The following TMEM192 variants were observed in gnomAD, a reference collection of about 807,000 sequenced individuals.
TMEM192 encodes transmembrane protein 192.
In TMEM192, 20 loss-of-function variants were observed where a neutral mutation model predicts 26.7. The observed-to-expected ratio is 0.75, with a 90% confidence interval of 0.53 to 1.09. TMEM192 has a LOEUF of 1.09. TMEM192 is among the 50% of genes least tolerant of loss of function. TMEM192 has a pLI of 0.00. For missense variants in TMEM192, 304 were observed against 322.6 expected (o/e 0.94, Z 0.44); for synonymous variants, 124 against 121.0 (o/e 1.02, Z -0.16).
Position 165,081,046 on chromosome 4 carries a change from A to G in TMEM192, c.678-1250T>C, listed in dbSNP as rs993648131. Among the ~76,000 whole-genome samples the G allele has an allele frequency of 3.9e-5, 6 of 152,240 alleles. No individual in the cohort carries two copies. In the East Asian group the frequency reaches 9.7e-4, roughly 25 times the overall value. ...CACATTATTTATAAGCATAACATGA[A>G]AAAAACTTTGAATATGCTATTATTT... On this transcript the variant is annotated intron_variant, in intron 5 of 5. Coordinates refer to ENST00000306480, the MANE Select transcript of TMEM192 (RefSeq NM_001100389.2).
intron 3 of TMEM192, among the ~76,000 whole-genome samples, chr4:165,089,598 C>G (rs1186418044): frequency 6.6e-6 from 1 of 152,158 alleles, no homozygotes; most frequent in Non-Finnish European, 1.5e-5. Context: ...GCTAGGATTA[C>G]AGGCGTGAGC....
chr4:165,099,971 A>T (rs1735000977), intron 3 of TMEM192, among the ~76,000 whole-genome samples: 1 of 152,058 alleles, frequency 6.6e-6, no homozygotes, highest in Admixed American at 6.6e-5. Context: ...AATAAAATTT[A>T]AAAATTCCCT....
chr4:165,092,064 G>T (rs555178225), intron 3 of TMEM192, among the ~76,000 whole-genome samples: 70 of 150,776 alleles, frequency 4.6e-4, no homozygotes, highest in Non-Finnish European at 8.0e-4. Flanking sequence ...TCTAAAAAAT[G>T]GGGATAACAG....
intron 3 of TMEM192, among the ~76,000 whole-genome samples, chr4:165,091,128 G>A (rs894064248): frequency 2.0e-5 from 3 of 151,882 alleles, no homozygotes; most frequent in East Asian, 3.9e-4. Context: ...TTAGCCAGGC[G>A]TGGTGGCGGG....
chr4:165,078,512 T>G lies in TMEM192; in HGVS notation c.*1146A>C, dbSNP rs1734440032. ...CAATTTTTAAGTATAATCCAAGGCT[T>G]TAAAAGGTATCTTTTTTTTACAGTA... On this transcript the variant is annotated 3_prime_UTR_variant, in exon 6 of 6. Coordinates refer to ENST00000306480, the MANE Select transcript of TMEM192 (RefSeq NM_001100389.2). 1 of 152,234 alleles carries G rather than the reference T, an allele frequency of 6.6e-6. No homozygotes were observed. Among genetic ancestry groups the G allele is most frequent in the African/African-American group, 2.4e-5 (1 of 41,470 alleles). The allele number at this position is 152,234 out of a possible 1,614,324, so 9.4% of individuals were successfully genotyped here. A position where few individuals can be genotyped will look rare whatever the true frequency, so the allele number is the denominator to read the frequency against.
At chr4:165,099,102 C>CTTTTTTTTTTTTTTTT (rs1160535314) in intron 3 of TMEM192, among the ~76,000 whole-genome samples, 2 of 126,194 alleles carry the variant, frequency 1.6e-5, no homozygotes, top group African/African-American at 3.1e-5. Flanking sequence ...TTTTTTCTTT[C>CTTTTTTTTTTTTTTTT]TTTTTTTTTT....
At chr4:165,085,973 C>T (rs867332274) in intron 4 of TMEM192, among the ~76,000 whole-genome samples, 1 of 152,282 alleles carries the variant, frequency 6.6e-6, no homozygotes, top group Non-Finnish European at 1.5e-5. Flanking sequence ...AGTGGATGCT[C>T]CTATTACCCC....
rs1734473650 is a variant in TMEM192, at chr4:165,079,632, C to A, written c.*26G>T. ...GTCTCAATTACTCTGGGTTCCTCTG[C>A]AATTGCTGTCATGACCGTGAGCCTC... On this transcript the variant is annotated 3_prime_UTR_variant, in exon 6 of 6. Transcript: ENST00000306480. The A allele has an allele frequency of 1.3e-6, 2 of 1,593,434 alleles. No homozygotes were observed. Among genetic ancestry groups the A allele is most frequent in the Non-Finnish European group, 1.7e-6 (2 of 1,168,472 alleles).
chr4:165,084,260 G>A (rs1024752737), intron 5 of TMEM192, among the ~76,000 whole-genome samples: 2 of 151,238 alleles, frequency 1.3e-5, no homozygotes, highest in Middle Eastern at 3.4e-3. Flanking sequence ...GTACAGTGGC[G>A]CCATCTTGGC....
intron 3 of TMEM192, among the ~76,000 whole-genome samples, chr4:165,099,537 T>C (rs1379362894): frequency 2.6e-5 from 4 of 152,330 alleles, no homozygotes; most frequent in African/African-American, 9.6e-5. Flanking sequence ...AATTAGGACC[T>C]GTGTGTTTTC....
chr4:165,099,805 C>T (rs1734996245), intron 3 of TMEM192, among the ~76,000 whole-genome samples: 1 of 152,084 alleles, frequency 6.6e-6, no homozygotes, highest in East Asian at 1.9e-4. Context: ...AAAAATTAGC[C>T]GGGTGTGGTG....
chr4:165,108,789 G>A (rs1735229953), intron 1 of TMEM192, among the ~76,000 whole-genome samples: 1 of 152,088 alleles, frequency 6.6e-6, no homozygotes, highest in Admixed American at 6.6e-5. Flanking sequence ...CTCCCTCTTT[G>A]TAGCTCTCTC....
At chr4:165,081,235 C>T (rs1578898366) in intron 5 of TMEM192, among the ~76,000 whole-genome samples, 1 of 145,024 alleles carries the variant, frequency 6.9e-6, no homozygotes, top group African/African-American at 2.5e-5. Flanking sequence ...ACCTCCCACT[C>T]TTTTTTTTTT....
At chr4:165,090,189 C>T (rs180870493) in intron 3 of TMEM192, among the ~76,000 whole-genome samples, 87 of 107,452 alleles carry the variant, frequency 8.1e-4, no homozygotes, top group African/African-American at 2.5e-3. Context: ...CCAGCCTGGG[C>T]AACAAGAGCG....
intron 1 of TMEM192, among the ~76,000 whole-genome samples, chr4:165,107,273 C>T (rs989336462): frequency 6.6e-6 from 1 of 151,882 alleles, no homozygotes; most frequent in Non-Finnish European, 1.5e-5. Flanking sequence ...GGTCCACCCT[C>T]AGCCTCCCAA....
At chr4:165,105,401 T>C (rs1330170732) in intron 1 of TMEM192, among the ~76,000 whole-genome samples, 2 of 152,168 alleles carry the variant, frequency 1.3e-5, no homozygotes, top group East Asian at 3.9e-4. Context: ...AAGGTCAGGC[T>C]CCTAAGGGCA....
At chr4:165,093,717 T>TA (rs1431701178) in intron 3 of TMEM192, among the ~76,000 whole-genome samples, 1 of 152,130 alleles carries the variant, frequency 6.6e-6, no homozygotes, top group Non-Finnish European at 1.5e-5. Flanking sequence ...GTTATACAGT[T>TA]ATACAGTAAT....
Position 165,105,279 on chromosome 4 carries a change from G to A in TMEM192, c.28-2183C>T, listed in dbSNP as rs370928455. Among the ~76,000 whole-genome samples, 6 of 152,134 alleles carry A rather than the reference G, an allele frequency of 3.9e-5. No individual in the cohort carries two copies. The South Asian group carries it at 1.2e-3, about 31-fold the overall frequency. ...GAATGAGTGCCCCAAACCTGTTTCT[G>A]CAGTATTTTCTAATTCAATTATGGG... On this transcript the variant is annotated intron_variant, in intron 1 of 5. Transcript: ENST00000306480.
At chr4:165,099,596 T>C (rs1202117291) in intron 3 of TMEM192, among the ~76,000 whole-genome samples, 1 of 152,108 alleles carries the variant, frequency 6.6e-6, no homozygotes, top group African/African-American at 2.4e-5. Context: ...CAGTCCTCTA[T>C]CCTAGGAACT....
Sources: allele counts gnomAD v4.1 joint callset (sites outside exome capture counted in the v4.1 genomes callset), GRCh38; gene constraint gnomAD v4.1.1; transcripts MANE v1.5; gene names NCBI Gene and HGNC (gene_info 2026-07-23, HGNC 2026-07-21).